The following RNASET2 variants were observed in gnomAD, a reference collection of about 807,000 sequenced individuals.
RNASET2 encodes ribonuclease T2, also known as ribonuclease 6.
A neutral mutation model predicts 33.9 loss-of-function variants in RNASET2; 28 were observed. The observed-to-expected ratio is 0.83, with a 90% CI of 0.61 to 1.13. RNASET2 has a LOEUF of 1.13. Among genes scored for constraint, RNASET2 ranks in the 50% most tolerant of loss-of-function variants. The pLI, the probability that RNASET2 is intolerant of heterozygous loss-of-function variation, is 0.00. For synonymous variants in RNASET2, 123 were observed against 121.0 expected, an observed-to-expected ratio of 1.02 and a Z score of -0.11; for missense variants, 330 against 319.9, an observed-to-expected ratio of 1.03 and a Z score of -0.24.
rs1018730572 is a variant in RNASET2, at chr6:166,934,089, A to C, written c.492+2T>G. ...GAGAAAAGAAGCAAAAGCAAGACTT[A>C]CTTGGTAGTAATTGATGGATGGTTT... On this transcript the variant is annotated splice_donor_variant, in intron 7 of 8. Coordinates refer to ENST00000508775, the MANE Select transcript of RNASET2 (RefSeq NM_003730.6). LOFTEE classifies it high-confidence loss of function. 5.6e-6 allele frequency: 9 copies of C among 1,608,706 alleles called. No homozygotes were observed. The African/African-American group carries it at 1.1e-4, about 19-fold the overall frequency.
Position 166,955,359 on chromosome 6 carries a change from A to G in RNASET2, c.86+738T>C, listed in dbSNP as rs865838176. The G allele has an allele frequency of 8.2e-3, 1,989 of 241,146 alleles. 103 individuals are homozygous for G. The East Asian group carries it at 0.1, about 12-fold the overall frequency. The allele number at this position is 241,146 out of a possible 1,614,324, so 14.9% of individuals were successfully genotyped here. A position where few individuals can be genotyped will look rare whatever the true frequency, so the allele number is the denominator to read the frequency against. On this transcript the variant is annotated intron_variant, in intron 1 of 8. Coordinates refer to ENST00000508775, the MANE Select transcript of RNASET2 (RefSeq NM_003730.6). ...CGCACACGCACACGCACGCACACAC[A>G]CACGCACACACAAACGCACACGCAC...
chr6:166,951,155 T>C (rs1562504073), intron 2 of RNASET2, among the ~76,000 whole-genome samples: 1 of 152,188 alleles, frequency 6.6e-6, no homozygotes, highest in Non-Finnish European at 1.5e-5. Flanking sequence ...GGCCCTTCCC[T>C]GTATGGCAGC....
intron 2 of RNASET2, among the ~76,000 whole-genome samples, chr6:166,949,280 G>A (rs946781164): frequency 4.7e-5 from 7 of 148,542 alleles, no homozygotes; most frequent in African/African-American, 1.5e-4. Context: ...GAGGTGGGCA[G>A]ATCATGAGGT....
At position 166,956,088 on chromosome 6, in the gene RNASET2, G is replaced by GT; in HGVS notation, c.86+8dup. 6.4e-7 allele frequency: 1 copy of GT among 1,551,896 alleles called. No homozygotes were observed. The highest frequency in any genetic ancestry group is 8.7e-7 in the Non-Finnish European group (1 of 1,146,978). ...CACGCTCCCCACTTTACCTCGCAAG[G>GT]TAACTCACCGCAGGCGCTTGTCCGC... On this transcript the variant is annotated intron_variant, in intron 1 of 8. Transcript: ENST00000508775.
At chr6:166,945,695 T>G (rs1489075739) in intron 4 of RNASET2, among the ~76,000 whole-genome samples, 1 of 151,790 alleles carries the variant, frequency 6.6e-6, no homozygotes, top group African/African-American at 2.4e-5. Flanking sequence ...CCGGGCATGG[T>G]GGCGCATGCC....
chr6:166,933,974 A>G lies in RNASET2; in HGVS notation c.492+117T>C. 1 of 794,646 alleles carries G rather than the reference A, an allele frequency of 1.3e-6. No homozygotes were observed. The highest frequency in any genetic ancestry group is 2.3e-6 in the Non-Finnish European group (1 of 435,690). The allele number at this position is 794,646 out of a possible 1,614,324, so 49.2% of individuals were successfully genotyped here. A position where few individuals can be genotyped will look rare whatever the true frequency, so the allele number is the denominator to read the frequency against. ...AAATCTGTTCACATGATAACATTTA[A>G]GTAGGAAGGGGGTTTGCACTGGGGC... On this transcript the variant is annotated intron_variant, in intron 7 of 8. Coordinates refer to ENST00000508775, the MANE Select transcript of RNASET2 (RefSeq NM_003730.6). This position sits in a 1 kb window ranked among gnomAD's most constrained non-coding sequence, Gnocchi z 4.1.
rs1221982155 is a variant in RNASET2, at chr6:166,922,676, T to A, written c.*6912A>T. ...GCTGAATCTTGTACATGACTTTTGA[T>A]GTATGTTGTTATCTTTGGGCCACTG... On this transcript the variant is annotated 3_prime_UTR_variant, in exon 9 of 9. Transcript: ENST00000508775. Among the ~76,000 whole-genome samples, 1 of 152,220 alleles carries A rather than the reference T, an allele frequency of 6.6e-6. No individual in the cohort carries two copies. Among genetic ancestry groups the A allele is most frequent in the African/African-American group, 2.4e-5 (1 of 41,456 alleles).
Position 166,923,614 on chromosome 6 carries a change from GA to G in RNASET2, c.*5973del, listed in dbSNP as rs542151171. Among the ~76,000 whole-genome samples, 6 of 146,642 alleles carry G rather than the reference GA, an allele frequency of 4.1e-5. No individual in the cohort carries two copies. Among genetic ancestry groups the G allele is most frequent in the East Asian group, 2.0e-4 (1 of 5,102 alleles). On this transcript the variant is annotated 3_prime_UTR_variant, in exon 9 of 9. Transcript: ENST00000508775. ...ATGGAAGGCCCATTACAGTCACTCAGAAAAAAAAAATAGAATTCTTATCAGA... is the reference window on the plus strand; with the variant it reads ...ATGGAAGGCCCATTACAGTCACTCAGAAAAAAAAATAGAATTCTTATCAGA...
rs575627002 is a variant in RNASET2, at chr6:166,937,175, C to T, written c.446+1720G>A. ...TTTTTTGAGACAGTTTTGCTCTTTT[C>T]GCACAGGCTGGAGTGCAATGGCACG... On this transcript the variant is annotated intron_variant, in intron 6 of 8. Coordinates refer to ENST00000508775, the MANE Select transcript of RNASET2 (RefSeq NM_003730.6). Among the ~76,000 whole-genome samples the T allele has an allele frequency of 2.0e-3, 297 of 152,054 alleles. 10 individuals are homozygous for T. The South Asian group carries it at 0.051, about 26-fold the overall frequency.
intron 4 of RNASET2, among the ~76,000 whole-genome samples, chr6:166,945,843 A>AAAAAAGAAAAG (rs1554268873): frequency 1.6e-4 from 23 of 146,312 alleles, no homozygotes; most frequent in South Asian, 6.3e-4. Flanking sequence ...AAAAAAAAAA[A>AAAAAAGAAAAG]AAAAGAAAAG....
In RNASET2 at chr6:166,933,394, G is replaced by A. The variant is rs1778493131; in HGVS notation, c.492+697C>T. The A allele has an allele frequency of 6.6e-6, 1 of 151,926 alleles. No homozygotes were observed. The highest frequency in any genetic ancestry group is 1.5e-5 in the Non-Finnish European group (1 of 68,004). 9.4% of individuals were successfully genotyped at this position (151,926 alleles called of 1,614,324 possible). On this transcript the variant is annotated intron_variant, in intron 7 of 8. Transcript: ENST00000508775. This position sits in a 1 kb window ranked among gnomAD's most constrained non-coding sequence, Gnocchi z 4.1. Reference sequence around the variant, plus strand: ...TTTTTTAAAGAGACGTGATCTGGCTGTCGCCCAGACTGGAGTGCAGTGGGG... The same window carrying A: ...TTTTTTAAAGAGACGTGATCTGGCTATCGCCCAGACTGGAGTGCAGTGGGG...
intron 1 of RNASET2, among the ~76,000 whole-genome samples, chr6:166,954,890 C>A (rs1002124624): frequency 3.3e-5 from 5 of 152,082 alleles, no homozygotes; most frequent in Non-Finnish European, 7.4e-5. Context: ...TACTCAGAGG[C>A]TGAGGCAGGA....
At chr6:166,945,853 GA>G (rs1778827501) in intron 4 of RNASET2, among the ~76,000 whole-genome samples, 1 of 147,964 alleles carries the variant, frequency 6.8e-6, no homozygotes, top group Non-Finnish European at 1.5e-5. Flanking sequence ...AAAAAGAAAA[GA>G]AAAGAAAAAA....
intron 5 of RNASET2, among the ~76,000 whole-genome samples, chr6:166,942,206 T>C (rs1778709173): frequency 6.6e-6 from 1 of 152,012 alleles, no homozygotes; most frequent in African/African-American, 2.4e-5. Context: ...GCGTACGCCA[T>C]CATGCCCAGC....
Position 166,948,634 on chromosome 6 carries a change from A to AAAAT in RNASET2, c.148-13_148-10dup. 6.9e-7 allele frequency: 1 copy of AAAAT among 1,458,244 alleles called. No homozygotes were observed. The highest frequency in any genetic ancestry group is 9.6e-7 in the Non-Finnish European group (1 of 1,043,520). The allele number at this position is 1,458,244 out of a possible 1,614,324, so 90.3% of individuals were successfully genotyped here. A position where few individuals can be genotyped will look rare whatever the true frequency, so the allele number is the denominator to read the frequency against. ...CAGTCGTTTTGAATTTTCTAGGGAG[A>AAAAT]AAATATAACAAGAAAATGATTGGCT... is the stretch of plus-strand genomic sequence containing the variant. On this transcript the variant is annotated splice_polypyrimidine_tract_variant and intron_variant, in intron 2 of 8. Coordinates refer to ENST00000508775, the MANE Select transcript of RNASET2 (RefSeq NM_003730.6).
intron 5 of RNASET2, 104 bp from the exon 6 acceptor site, chr6:166,939,112 T>C (rs1778639166): frequency 3.7e-6 from 3 of 814,390 alleles, no homozygotes; most frequent in Non-Finnish European, 6.4e-6. Flanking sequence ...AGGGGGTGGA[T>C]CACCTGAGAT....
chr6:166,934,313 C>T lies in RNASET2; in HGVS notation c.447-177G>A, dbSNP rs550915754. 84 of 623,208 alleles carry T rather than the reference C, an allele frequency of 1.3e-4. 1 individual carries two copies. The highest frequency in any genetic ancestry group is 5.9e-4 in the East Asian group (21 of 35,562). 38.6% of individuals were successfully genotyped at this position (623,208 alleles called of 1,614,324 possible). A position where few individuals can be genotyped will look rare whatever the true frequency, so the allele number is the denominator to read the frequency against. ...CTGCAAATACATGGTTCCCAGTCCC[C>T]GCCTTCCCCACCCCTTAGCACACAC... On this transcript the variant is annotated intron_variant, in intron 6 of 8. Coordinates refer to ENST00000508775, the MANE Select transcript of RNASET2 (RefSeq NM_003730.6).
rs1350956880 is a variant in RNASET2, at chr6:166,925,520, G to C, written c.*4068C>G. Among the ~76,000 whole-genome samples, 1 of 151,826 alleles carries C rather than the reference G, an allele frequency of 6.6e-6. No homozygotes were observed. Among genetic ancestry groups the C allele is most frequent in the East Asian group, 1.9e-4 (1 of 5,170 alleles). ...GTCCAGCCCTCACCTCCCCGGTCCAGCCCTTGCCTCCCCCGTCCAGCCCTC... is the reference window on the plus strand; with the variant it reads ...GTCCAGCCCTCACCTCCCCGGTCCACCCCTTGCCTCCCCCGTCCAGCCCTC... On this transcript the variant is annotated 3_prime_UTR_variant, in exon 9 of 9. Coordinates refer to ENST00000508775, the MANE Select transcript of RNASET2 (RefSeq NM_003730.6).
intron 6 of RNASET2, 29 bp downstream of exon 6, chr6:166,938,866 A>AAGTGCAGCCGGGGGAC (rs757109492): frequency 1.3e-6 from 2 of 1,497,234 alleles, no homozygotes; most frequent in Admixed American, 3.3e-5. Flanking sequence ...CCCCACTGGG[A>AAGTGCAGCCGGGGGAC]AGTGCAGCCG....
Sources: allele counts gnomAD v4.1 joint callset (sites outside exome capture counted in the v4.1 genomes callset), GRCh38; gene constraint gnomAD v4.1.1; non-coding constraint Gnocchi (gnomAD v3.1); transcripts MANE v1.5; gene names NCBI Gene and HGNC (gene_info 2026-07-23, HGNC 2026-07-21).